Variants in FHIP2A observed in about 807,000 individuals in gnomAD.
FHIP2A encodes FHF complex subunit HOOK interacting protein 2A.
Under a neutral mutation model 93.5 loss-of-function variants are expected in FHIP2A, and 46 were observed. That is an observed-to-expected ratio of 0.49 (90% CI 0.39 to 0.63). The LOEUF is 0.63. Ranked by LOEUF, FHIP2A falls within the 20% of genes least tolerant of loss-of-function variation. The pLI is 0.00. For synonymous variants in FHIP2A, 332 were observed against 326.5 expected (o/e 1.02, Z -0.18); for missense variants, 769 against 909.7 (o/e 0.85, Z 1.99).
chr10:114,861,204 C>T, intron 15 of FHIP2A, 27 bp from the exon 16 acceptor site: 1 of 1,611,054 alleles, frequency 6.2e-7, no homozygotes, highest in Non-Finnish European at 8.5e-7. Context: ...ATTTCAGGAA[C>T]TGAAGTGCCT....
At position 114,833,310 on chromosome 10, in the gene FHIP2A, A is replaced by G; in HGVS notation, c.202A>G (p.Asn68Asp). The G allele has an allele frequency of 4.3e-6, 7 of 1,613,818 alleles. No homozygotes were observed. The highest frequency in any genetic ancestry group is 5.1e-6 in the Non-Finnish European group (6 of 1,179,716). The change falls in exon 3 of 17, where the codon AAT (asparagine) becomes GAT (aspartate). Residue 68 changes from asparagine (N) to aspartate (D), a missense_variant. By Grantham distance (23) the Asn-to-Asp change is conservative (BLOSUM62 1). Transcript: ENST00000369248. Reference protein sequence around the residue: ...QMLDILVQEENERESGETGPC... With the variant: ...QMLDILVQEEDERESGETGPC... ...GTTAGATATACTGGTTCAAGAAGAA[A>G]ATGAACGGGAATCTGGAGAGACAGG... is the stretch of plus-strand genomic sequence containing the variant.
At chr10:114,855,061 C>A (rs1199002459) in intron 13 of FHIP2A, 136 bp from the exon 14 acceptor site, 5 of 811,704 alleles carry the variant, frequency 6.2e-6, no homozygotes. Context: ...TCTCTTCCCC[C>A]TCTCCCTTGG....
At chr10:114,836,742 C>T (rs2083638819) in intron 5 of FHIP2A, among the ~76,000 whole-genome samples, 1 of 152,038 alleles carries the variant, frequency 6.6e-6, no homozygotes, top group Non-Finnish European at 1.5e-5. Flanking sequence ...TTATTTAAAT[C>T]AAGTGATATT....
chr10:114,876,068 G>A (rs1425920720), intron 16 of FHIP2A, among the ~76,000 whole-genome samples: 1 of 152,170 alleles, frequency 6.6e-6, no homozygotes, highest in Non-Finnish European at 1.5e-5. Flanking sequence ...GAAAGACTGA[G>A]GAGGAAGCAG....
In FHIP2A at chr10:114,846,257, A is replaced by G; in HGVS notation, c.1288A>G (p.Met430Val). Residue 430 changes from methionine (M) to valine (V), a missense_variant, in exon 10 of 17, where the codon ATG becomes GTG. Transcript: ENST00000369248. ...GACCTCTGATGTTTTGCTTCAAGAA[A>G]TGGTGTTTTTTATCCTTGGAGAACA... ...QVTSDVLLQE[M>V]VFFILGEQRE... 3 of 1,614,178 alleles carry G rather than the reference A, an allele frequency of 1.9e-6. No homozygotes were observed. Among genetic ancestry groups the G allele is most frequent in the Non-Finnish European group, 2.5e-6 (3 of 1,180,022 alleles).
At chr10:114,889,245 A>G (rs371129024) in intron 16 of FHIP2A, among the ~76,000 whole-genome samples, 2 of 152,308 alleles carry the variant, frequency 1.3e-5, no homozygotes, top group East Asian at 1.9e-4. Flanking sequence ...TCAGCAAAGA[A>G]AAGGTTGAGA....
At chr10:114,839,160 CTG>C (rs918927624) in intron 5 of FHIP2A, among the ~76,000 whole-genome samples, 1 of 152,136 alleles carries the variant, frequency 6.6e-6, no homozygotes, top group Middle Eastern at 3.4e-3. Context: ...GATAGTCTGA[CTG>C]TGTCACCCAG....
chr10:114,843,259 C>T (rs759706741), intron 6 of FHIP2A, 33 bp downstream of exon 6: 7 of 1,388,472 alleles, frequency 5.0e-6, no homozygotes, highest in Middle Eastern at 1.9e-4. Flanking sequence ...TCCCCCCTAA[C>T]ATTATTTCAA....
intron 3 of FHIP2A, among the ~76,000 whole-genome samples, chr10:114,834,207 CCTTTT>C (rs577374573): frequency 2.7e-4 from 41 of 152,228 alleles, no homozygotes; most frequent in African/African-American, 9.4e-4. Flanking sequence ...AAGATGATTT[CCTTTT>C]GTCTGTCTGT....
chr10:114,862,387 T>C lies in FHIP2A; in HGVS notation c.*847T>C, dbSNP rs2083805866. The C allele has an allele frequency of 2.0e-6, 2 of 987,470 alleles. No individual in the cohort carries two copies. The highest frequency in any genetic ancestry group is 9.4e-5 in the South Asian group (2 of 21,382). The allele number at this position is 987,470 out of a possible 1,614,324, so 61.2% of individuals were successfully genotyped here. A position where few individuals can be genotyped will look rare whatever the true frequency, so the allele number is the denominator to read the frequency against. ...CCCTCTCCCTCTCAGAAAATTGCTT[T>C]ATAAAATTGCTTTATAATTTGATTT... On this transcript the variant is annotated 3_prime_UTR_variant, in exon 17 of 17. Coordinates refer to ENST00000369248, the MANE Select transcript of FHIP2A (RefSeq NM_020940.4).
chr10:114,895,706 A>G (rs545174297), intron 16 of FHIP2A, among the ~76,000 whole-genome samples: 1 of 152,318 alleles, frequency 6.6e-6, no homozygotes, highest in East Asian at 1.9e-4. Flanking sequence ...GAGTAAATAC[A>G]TGGTAGCATT....
intron 16 of FHIP2A, among the ~76,000 whole-genome samples, chr10:114,883,720 T>A (rs1029397341): frequency 6.6e-6 from 1 of 152,214 alleles, no homozygotes; most frequent in African/African-American, 2.4e-5. Flanking sequence ...TAGCTGGGAC[T>A]ACAGGCATGC....
intron 16 of FHIP2A, among the ~76,000 whole-genome samples, chr10:114,892,969 G>A (rs184283517): frequency 8.7e-4 from 133 of 152,250 alleles, no homozygotes; most frequent in African/African-American, 3.1e-3. Context: ...ATTAAACAGG[G>A]ATAATATGGT....
At position 114,828,165 on chromosome 10, in the gene FHIP2A, A is replaced by G. The variant is rs143640989; in HGVS notation, c.46-2687A>G. Among the ~76,000 whole-genome samples, 34 of 152,328 alleles carry G rather than the reference A, an allele frequency of 2.2e-4. No homozygotes were observed. In the East Asian group the frequency reaches 4.2e-3, roughly 19 times the overall value. On this transcript the variant is annotated intron_variant, in intron 1 of 16. Transcript: ENST00000369248. ...TTATTACTAATCTAAGTTATTAGCA[A>G]TTGAGAACTGTTTAACTCTCTAGTT... is the stretch of plus-strand genomic sequence containing the variant.
At chr10:114,852,013 C>T (rs2083739935) in intron 13 of FHIP2A, among the ~76,000 whole-genome samples, 1 of 151,766 alleles carries the variant, frequency 6.6e-6, no homozygotes, top group African/African-American at 2.4e-5. Flanking sequence ...TGTAGAAATA[C>T]TGCTGGTTTT....
At chr10:114,875,092 T>C (rs1250342349) in intron 16 of FHIP2A, among the ~76,000 whole-genome samples, 2 of 152,164 alleles carry the variant, frequency 1.3e-5, no homozygotes, top group Non-Finnish European at 2.9e-5. Context: ...CGCCGCTAAG[T>C]GCTGTTGCCA....
At position 114,845,284 on chromosome 10, in the gene FHIP2A, G is replaced by A. The variant is rs1317472264; in HGVS notation, c.1014-83G>A. 4.0e-6 allele frequency: 3 copies of A among 754,736 alleles called. No individual in the cohort carries two copies. In the Admixed American group the frequency reaches 5.8e-5, roughly 15 times the overall value. 46.8% of individuals were successfully genotyped at this position (754,736 alleles called of 1,614,324 possible). A position where few individuals can be genotyped will look rare whatever the true frequency, so the allele number is the denominator to read the frequency against. On this transcript the variant is annotated intron_variant, in intron 7 of 16. Coordinates refer to ENST00000369248, the MANE Select transcript of FHIP2A (RefSeq NM_020940.4). ...TACCATACTATCTGAGTGTGTTCAT[G>A]TGCCTTCATTTTTCCATACATTCTG... is the stretch of plus-strand genomic sequence containing the variant.
intron 16 of FHIP2A, among the ~76,000 whole-genome samples, chr10:114,875,621 A>AG (rs2143014564): frequency 6.6e-6 from 1 of 152,160 alleles, no homozygotes; most frequent in South Asian, 2.1e-4. Context: ...GTGTGAACCC[A>AG]GGAGCGGAGG....
chr10:114,827,777 A>T (rs1051118512), intron 1 of FHIP2A, among the ~76,000 whole-genome samples: 3 of 142,854 alleles, frequency 2.1e-5, no homozygotes, highest in African/African-American at 7.9e-5. Context: ...AGCCTGGGTG[A>T]CAGAGCGAGA....
Sources: allele counts gnomAD v4.1 joint callset (sites outside exome capture counted in the v4.1 genomes callset), GRCh38; gene constraint gnomAD v4.1.1; transcripts MANE v1.5; gene names NCBI Gene and HGNC (gene_info 2026-07-23, HGNC 2026-07-21).